CHN2: variants seen among roughly 807,000 people sequenced by gnomAD.
CHN2 encodes the protein beta-chimaerin.
A neutral mutation model predicts 56.3 loss-of-function variants in CHN2; 35 were observed. The ratio of observed to expected loss-of-function variants is 0.62; its 90% CI spans 0.47 to 0.82. CHN2 has a LOEUF of 0.82. Among genes scored for constraint, CHN2 ranks in the 40% least tolerant of loss-of-function variants. The pLI is 0.00. For synonymous variants in CHN2, 210 were observed against 212.8 expected, an observed-to-expected ratio of 0.99 and a Z score of 0.12; for missense variants, 491 against 580.5, an observed-to-expected ratio of 0.85 and a Z score of 1.58.
At chr7:29,212,285 C>G (rs898065009) in intron 1 of CHN2, 6 of 1,100,630 alleles carry the variant, frequency 5.5e-6, no homozygotes, top group Non-Finnish European at 8.3e-6. Context: ...TTTTCCCCCT[C>G]TTCCTCAATA....
chr7:29,397,748 C>T (rs1430398311), intron 4 of CHN2: 2 of 152,288 alleles, frequency 1.3e-5, no homozygotes, highest in South Asian at 2.1e-4. Context: ...GGATATGCCA[C>T]ATTTTCCACA....
At chr7:29,344,506 GA>G in intron 1 of CHN2, among the ~76,000 whole-genome samples, 1 of 152,256 alleles carries the variant, frequency 6.6e-6, no homozygotes, top group Non-Finnish European at 1.5e-5. Context: ...AGCAAGCTGA[GA>G]CACTTCTGGC....
intron 1 of CHN2, among the ~76,000 whole-genome samples, chr7:29,277,958 C>T (rs547700090): frequency 1.1e-4 from 17 of 152,232 alleles, no homozygotes; most frequent in East Asian, 5.8e-4. Context: ...ATTTTACAGG[C>T]GGAGAAACTG....
In CHN2 at chr7:29,304,029, C is replaced by T. The variant is rs951604085; in HGVS notation, c.50-50596C>T. ...GAGCCGAGATCGTGCCACTGCACTC[C>T]AGCCTGGGTGACAGAGTGAGACATC... On this transcript the variant is annotated intron_variant, in intron 1 of 12. Coordinates refer to ENST00000222792, the MANE Select transcript of CHN2 (RefSeq NM_004067.4). Among the ~76,000 whole-genome samples, 11 of 151,534 alleles carry T rather than the reference C, an allele frequency of 7.3e-5. No individual in the cohort carries two copies. The East Asian group carries it at 2.1e-3, about 30-fold the overall frequency.
chr7:29,268,854 A>T (rs559333819), intron 1 of CHN2, among the ~76,000 whole-genome samples: 1 of 152,244 alleles, frequency 6.6e-6, no homozygotes. Flanking sequence ...ATTCACTCAA[A>T]TGGGCCACGG....
intron 1 of CHN2, among the ~76,000 whole-genome samples, chr7:29,240,825 G>A (rs966849890): frequency 6.6e-6 from 1 of 151,088 alleles, no homozygotes; most frequent in African/African-American, 2.4e-5. Context: ...CTTCGTCGTC[G>A]TCGTCGTCGT....
chr7:29,326,128 T>TTTTG (rs1448969245), intron 1 of CHN2, among the ~76,000 whole-genome samples: 4 of 69,560 alleles, frequency 5.8e-5, no homozygotes, highest in African/African-American at 1.4e-4. Flanking sequence ...TTAGAGAAAT[T>TTTTG]ATTGTTTGTT....
intron 2 of CHN2, among the ~76,000 whole-genome samples, chr7:29,152,536 G>T (rs1420731834): frequency 1.3e-5 from 2 of 152,158 alleles, no homozygotes; most frequent in African/African-American, 4.8e-5. Context: ...AAATGATACA[G>T]TGCCTGTCTT....
At chr7:29,171,390 A>G (rs1278063217) in intron 2 of CHN2, among the ~76,000 whole-genome samples, 1 of 152,194 alleles carries the variant, frequency 6.6e-6, no homozygotes, top group African/African-American at 2.4e-5. Flanking sequence ...GTAATGGAAT[A>G]AACAACGGCA....
chr7:29,453,206 T>C (rs1784523777), intron 6 of CHN2, among the ~76,000 whole-genome samples: 1 of 152,126 alleles, frequency 6.6e-6, no homozygotes, highest in Admixed American at 6.6e-5. Context: ...GACGTCAGGG[T>C]CAGCCAGATA....
chr7:29,259,195 G>T (rs917331985), intron 1 of CHN2, among the ~76,000 whole-genome samples: 1 of 152,080 alleles, frequency 6.6e-6, no homozygotes, highest in African/African-American at 2.4e-5. Context: ...GGACATGGGG[G>T]TGTGCCCCTG....
intron 1 of CHN2, among the ~76,000 whole-genome samples, chr7:29,273,377 A>ATATATATATATATATATATG (rs1562882108): frequency 3.8e-5 from 2 of 52,406 alleles, no homozygotes; most frequent in Non-Finnish European, 6.8e-5. Flanking sequence ...ATATATATAT[A>ATATATATATATATATATATG]TATATATATA....
chr7:29,328,241 A>T (rs1259294987), intron 1 of CHN2, among the ~76,000 whole-genome samples: 1 of 152,130 alleles, frequency 6.6e-6, no homozygotes, highest in Non-Finnish European at 1.5e-5. Context: ...TTAGGCAAAC[A>T]CTTCCTTTTT....
At chr7:29,378,869 G>T (rs188521872) in intron 3 of CHN2, among the ~76,000 whole-genome samples, 16 of 152,346 alleles carry the variant, frequency 1.1e-4, no homozygotes, top group Non-Finnish European at 1.8e-4. Flanking sequence ...GGAGGCTGAG[G>T]CAGGAGAATC....
At chr7:29,350,479 T>C (rs1797798506) in intron 1 of CHN2, among the ~76,000 whole-genome samples, 1 of 152,184 alleles carries the variant, frequency 6.6e-6, no homozygotes, top group Non-Finnish European at 1.5e-5. Flanking sequence ...CTTTAGTGGT[T>C]TGTGAAACAT....
chr7:29,451,673 C>T (rs1292546961), intron 6 of CHN2, among the ~76,000 whole-genome samples: 2 of 152,148 alleles, frequency 1.3e-5, no homozygotes, highest in Admixed American at 1.3e-4. Context: ...GAGAATTCTC[C>T]AACCACATAT....
At chr7:29,340,682 T>C (rs190373882) in intron 1 of CHN2, among the ~76,000 whole-genome samples, 4 of 152,206 alleles carry the variant, frequency 2.6e-5, no homozygotes, top group Non-Finnish European at 4.4e-5. Flanking sequence ...GGAGAAAATA[T>C]AGGACAAGAT....
At chr7:29,194,436 G>T (rs368929534), upstream of CHN2, 527 of 153,338 alleles carry the variant, frequency 3.4e-3, 3 homozygotes, top group African/African-American at 0.012. Flanking sequence ...GTGCGCGAGC[G>T]GAGTTGGGGC....
At chr7:29,363,920 G>A (rs111866709) in intron 2 of CHN2, among the ~76,000 whole-genome samples, 16 of 152,198 alleles carry the variant, frequency 1.1e-4, no homozygotes, top group Middle Eastern at 3.4e-3. Flanking sequence ...GCCTGTATTC[G>A]CAGCTACTTG....
Sources: gnomAD v4.1 joint callset for allele counts (sites outside exome capture counted in the v4.1 genomes callset) on GRCh38, gnomAD v4.1.1 for gene constraint, MANE v1.5 for transcripts, NCBI Gene and HGNC (gene_info 2026-07-23, HGNC 2026-07-21) for gene names.